ACVR1C: variants seen among roughly 807,000 people sequenced by gnomAD.
ACVR1C encodes activin receptor type-1C.
In ACVR1C, 23 loss-of-function variants were observed where a neutral mutation model predicts 57.9. That is an observed-to-expected ratio of 0.40 (90% CI 0.29 to 0.56). The LOEUF is 0.56. ACVR1C is among the 20% of genes least tolerant of loss of function. ACVR1C has a pLI of 0.50. For missense variants in ACVR1C, 480 were observed against 607.9 expected (o/e 0.79, Z 2.21); for synonymous variants, 214 against 215.3 (o/e 0.99, Z 0.05).
chr2:157,626,709 C>T (rs764660674), intron 1 of ACVR1C, among the ~76,000 whole-genome samples: 4 of 152,104 alleles, frequency 2.6e-5, no homozygotes, highest in Non-Finnish European at 5.9e-5. Context: ...ACTAAATAGC[C>T]AGAGTTTTAT....
chr2:157,584,794 G>A (rs1377800606), intron 2 of ACVR1C, among the ~76,000 whole-genome samples: 2 of 152,182 alleles, frequency 1.3e-5, no homozygotes, highest in Admixed American at 1.3e-4. Context: ...GCTCATAACA[G>A]CTTTGCGAAT....
chr2:157,591,078 T>C (rs1689046889), intron 1 of ACVR1C, among the ~76,000 whole-genome samples: 1 of 152,012 alleles, frequency 6.6e-6, no homozygotes, highest in Non-Finnish European at 1.5e-5. Context: ...TCAGTTGTCT[T>C]ATGCAAACAA....
chr2:157,565,604 A>G (rs1442576000), intron 2 of ACVR1C, among the ~76,000 whole-genome samples: 1 of 152,226 alleles, frequency 6.6e-6, no homozygotes, highest in Non-Finnish European at 1.5e-5. Flanking sequence ...AGATCAAATC[A>G]AGCCATGATA....
rs900342152 is a variant in ACVR1C, at chr2:157,596,310, C to A, written c.74-8893G>T. 2.6e-5 allele frequency among the ~76,000 whole-genome samples: 4 copies of A among 152,154 alleles called. No homozygotes were observed. In the East Asian group the frequency reaches 7.7e-4, roughly 29 times the overall value. Reference sequence around the variant, plus strand: ...TCATATTTATTTGCTTTTTTCCTAACACATTACCTTCATTATTTGGGGGGT... The same window carrying A: ...TCATATTTATTTGCTTTTTTCCTAAAACATTACCTTCATTATTTGGGGGGT... On this transcript the variant is annotated intron_variant, in intron 1 of 8. Transcript: ENST00000243349.
chr2:157,609,978 GTT>G (rs1682494774), intron 1 of ACVR1C, among the ~76,000 whole-genome samples: 1 of 151,946 alleles, frequency 6.6e-6, no homozygotes, highest in East Asian at 1.9e-4. Flanking sequence ...GATATGTGAG[GTT>G]TTGTTCCTGT....
intron 8 of ACVR1C, among the ~76,000 whole-genome samples, chr2:157,535,786 A>AAAAT (rs1283400156): frequency 6.6e-6 from 1 of 152,212 alleles, no homozygotes; most frequent in East Asian, 1.9e-4. Context: ...CTGCCTCAAA[A>AAAAT]AAATAAATAA....
At chr2:157,611,582 G>C (rs1365760384) in intron 1 of ACVR1C, among the ~76,000 whole-genome samples, 1 of 152,216 alleles carries the variant, frequency 6.6e-6, no homozygotes, top group Non-Finnish European at 1.5e-5. Flanking sequence ...TGTGGGCAAT[G>C]GCAACAGCAG....
intron 1 of ACVR1C, among the ~76,000 whole-genome samples, chr2:157,592,522 T>C (rs1302577537): frequency 6.6e-6 from 1 of 152,116 alleles, no homozygotes. Context: ...ATCTGCTACA[T>C]GTTCCCATTT....
chr2:157,607,411 A>C (rs1682428090), intron 1 of ACVR1C, among the ~76,000 whole-genome samples: 1 of 151,302 alleles, frequency 6.6e-6, no homozygotes, highest in Admixed American at 6.6e-5. Flanking sequence ...TAATGTCTCC[A>C]GCTTTGCTCT....
At chr2:157,561,935 G>A (rs934597351) in intron 2 of ACVR1C, among the ~76,000 whole-genome samples, 1 of 152,176 alleles carries the variant, frequency 6.6e-6, no homozygotes, top group Non-Finnish European at 1.5e-5. Flanking sequence ...CAACCTTGTG[G>A]AATTTAAGAT....
In ACVR1C at chr2:157,587,317, C is replaced by T. The variant is rs1688948422; in HGVS notation, c.174G>A (p.Gln58=). Residue 58 remains glutamine, a synonymous_variant, in exon 2 of 9, where the codon CAG becomes CAA. Coordinates refer to ENST00000243349, the MANE Select transcript of ACVR1C (RefSeq NM_145259.3). ...GAAGGGAGACACAGGATTTGATCAC[C>T]TGCTCTTTTCCATTGGTTAGCATGA... ...ASVMLTNGKE[Q]VIKSCVSLPE... is the part of the protein sequence containing the mutation. 6.2e-7 allele frequency: 1 copy of T among 1,613,700 alleles called. No homozygotes were observed. The highest frequency in any genetic ancestry group is 1.3e-5 in the African/African-American group (1 of 75,010).
chr2:157,597,549 C>T (rs1682162717), intron 1 of ACVR1C: 2 of 985,324 alleles, frequency 2.0e-6, no homozygotes, highest in Middle Eastern at 5.2e-4. Context: ...ACCTGCCCGA[C>T]GGCAGCGCAA....
At chr2:157,554,034 T>G (rs967030872) in intron 3 of ACVR1C, among the ~76,000 whole-genome samples, 2 of 151,006 alleles carry the variant, frequency 1.3e-5, no homozygotes, top group African/African-American at 2.4e-5. Context: ...AATGCAAAAA[T>G]TAGCCAGGTG....
intron 5 of ACVR1C, 126 bp from the exon 6 acceptor site, chr2:157,542,988 A>C: frequency 1.1e-6 from 1 of 915,814 alleles, no homozygotes; most frequent in South Asian, 1.7e-5. Flanking sequence ...TCTTGTCACT[A>C]TCTAAATTAT....
intron 1 of ACVR1C, among the ~76,000 whole-genome samples, chr2:157,600,552 A>C (rs1682257521): frequency 6.6e-6 from 1 of 152,226 alleles, no homozygotes; most frequent in Non-Finnish European, 1.5e-5. Context: ...AAAATTGAAA[A>C]GGTAAAGTCC....
intron 1 of ACVR1C, among the ~76,000 whole-genome samples, chr2:157,593,865 C>A (rs1682007723): frequency 6.6e-6 from 1 of 152,062 alleles, no homozygotes; most frequent in Non-Finnish European, 1.5e-5. Flanking sequence ...ACTTTTTTGG[C>A]CAAATGAGCT....
chr2:157,600,455 T>A (rs1682255269), intron 1 of ACVR1C, among the ~76,000 whole-genome samples: 1 of 152,156 alleles, frequency 6.6e-6, no homozygotes, highest in Non-Finnish European at 1.5e-5. Flanking sequence ...TAATAAACAA[T>A]TAATAGTCAT....
chr2:157,540,759 G>A (rs1279370852), intron 7 of ACVR1C, among the ~76,000 whole-genome samples: 1 of 152,156 alleles, frequency 6.6e-6, no homozygotes, highest in African/African-American at 2.4e-5. Context: ...TGTTGCCTCA[G>A]CAAATCATTT....
At chr2:157,583,556 A>T (rs1688838853) in intron 2 of ACVR1C, among the ~76,000 whole-genome samples, 1 of 152,234 alleles carries the variant, frequency 6.6e-6, no homozygotes, top group Non-Finnish European at 1.5e-5. Flanking sequence ...CAAAGGACTT[A>T]TAATAGGCAA....
Sources: gnomAD v4.1 joint callset for allele counts (sites outside exome capture counted in the v4.1 genomes callset) on GRCh38, gnomAD v4.1.1 for gene constraint, MANE v1.5 for transcripts, NCBI Gene and HGNC (gene_info 2026-07-23, HGNC 2026-07-21) for gene names.